The following SPAG16 variants were observed in gnomAD, a reference collection of about 807,000 sequenced individuals.
SPAG16 encodes sperm associated antigen 16.
Under a neutral mutation model 80.4 loss-of-function variants are expected in SPAG16, and 86 were observed. The observed-to-expected ratio is 1.07, with a 90% CI of 0.90 to 1.28. The LOEUF (loss-of-function observed/expected upper bound fraction) is 1.28. Among genes scored for constraint, SPAG16 ranks in the 50% most tolerant of loss-of-function variants. SPAG16 has a pLI of 0.00. For synonymous variants in SPAG16, 294 were observed against 265.9 expected, an observed-to-expected ratio of 1.11 and a Z score of -1.03; for missense variants, 870 against 765.3, an observed-to-expected ratio of 1.14 and a Z score of -1.61.
intron 13 of SPAG16, 148 bp downstream of exon 13, chr2:214,014,225 T>C (rs1444551395): frequency 6.6e-5 from 64 of 968,576 alleles, no homozygotes; most frequent in Non-Finnish European, 9.6e-5. Context: ...TACAAGATCC[T>C]TTCTATGCAC....
chr2:213,454,779 A>G (rs1335489084), intron 9 of SPAG16, among the ~76,000 whole-genome samples: 1 of 152,190 alleles, frequency 6.6e-6, no homozygotes, highest in Non-Finnish European at 1.5e-5. Context: ...CTTCTTTTAC[A>G]GTCATTCTAT....
intron 15 of SPAG16, among the ~76,000 whole-genome samples, chr2:214,203,508 A>G (rs1351542209): frequency 6.6e-6 from 1 of 152,172 alleles, no homozygotes; most frequent in Non-Finnish European, 1.5e-5. Flanking sequence ...CCAAAGTATG[A>G]AAGGGGGATC....
intron 15 of SPAG16, among the ~76,000 whole-genome samples, chr2:214,383,768 G>A (rs11679213): frequency 0.87 from 131,999 of 152,000 alleles, 57,412 homozygotes; most frequent in Middle Eastern, 0.9. Context: ...GTAAACCACA[G>A]GCAAAATGGG....
chr2:213,445,153 G>GGAATCA (rs1179521007), intron 9 of SPAG16, among the ~76,000 whole-genome samples: 1 of 152,018 alleles, frequency 6.6e-6, no homozygotes, highest in African/African-American at 2.4e-5. Context: ...ATGGACAAAT[G>GGAATCA]GAATCACACC....
chr2:213,669,933 T>G (rs1243336623), intron 10 of SPAG16, among the ~76,000 whole-genome samples: 1 of 152,164 alleles, frequency 6.6e-6, no homozygotes, highest in Non-Finnish European at 1.5e-5. Flanking sequence ...CCTGGGTGAT[T>G]AGATTTAGAA....
At chr2:214,118,920 A>C (rs2054081171) in intron 14 of SPAG16, among the ~76,000 whole-genome samples, 1 of 152,200 alleles carries the variant, frequency 6.6e-6, no homozygotes, top group South Asian at 2.1e-4. Flanking sequence ...AAAGAAAAAA[A>C]CTGGAGGTAT....
At chr2:214,203,131 T>C (rs2058053215) in intron 15 of SPAG16, among the ~76,000 whole-genome samples, 1 of 152,218 alleles carries the variant, frequency 6.6e-6, no homozygotes, top group African/African-American at 2.4e-5. Context: ...TTTTTCTATA[T>C]CTGTGAGAGA....
intron 15 of SPAG16, among the ~76,000 whole-genome samples, chr2:214,200,034 T>C (rs972188554): frequency 6.6e-6 from 1 of 152,078 alleles, no homozygotes; most frequent in Non-Finnish European, 1.5e-5. Flanking sequence ...TAAACGATCA[T>C]ATCATTAGCA....
intron 12 of SPAG16, among the ~76,000 whole-genome samples, chr2:213,944,090 G>A (rs2106298357): frequency 6.6e-6 from 1 of 152,292 alleles, no homozygotes; most frequent in South Asian, 2.1e-4. Context: ...ATGGGCCTGG[G>A]GGACAGGGCT....
chr2:213,941,191 A>G (rs1413637462), intron 12 of SPAG16, among the ~76,000 whole-genome samples: 1 of 152,148 alleles, frequency 6.6e-6, no homozygotes, highest in African/African-American at 2.4e-5. Context: ...TTTGGAATTA[A>G]ATACCTGTCA....
intron 10 of SPAG16, among the ~76,000 whole-genome samples, chr2:213,736,163 CATG>C (rs2067271671): frequency 6.6e-6 from 1 of 152,076 alleles, no homozygotes; most frequent in Non-Finnish European, 1.5e-5. Context: ...TTCTGTTTTC[CATG>C]ATAACTCAAG....
intron 9 of SPAG16, among the ~76,000 whole-genome samples, chr2:213,381,242 A>G (rs955345312): frequency 1.1e-4 from 16 of 152,242 alleles, no homozygotes; most frequent in African/African-American, 3.9e-4. Context: ...AGAGTACTCC[A>G]TGTAAATGAC....
At chr2:213,760,105 C>A (rs2068573104) in intron 10 of SPAG16, among the ~76,000 whole-genome samples, 1 of 151,750 alleles carries the variant, frequency 6.6e-6, no homozygotes, top group Admixed American at 6.6e-5. Flanking sequence ...TCAGAAATTA[C>A]TTATAAATTG....
At chr2:213,775,585 C>T (rs1470596330) in intron 10 of SPAG16, among the ~76,000 whole-genome samples, 2 of 152,198 alleles carry the variant, frequency 1.3e-5, no homozygotes, top group Non-Finnish European at 2.9e-5. Flanking sequence ...ACTTATTCAT[C>T]TTACATAACT....
At chr2:213,604,878 C>T (rs1371977325) in intron 10 of SPAG16, among the ~76,000 whole-genome samples, 1 of 150,540 alleles carries the variant, frequency 6.6e-6, no homozygotes, top group East Asian at 1.9e-4. Flanking sequence ...ATTTCTTCCA[C>T]TTTTTACTGC....
chr2:214,186,425 T>C lies in SPAG16; in HGVS notation c.1720+37159T>C, dbSNP rs536890250. On this transcript the variant is annotated intron_variant, in intron 15 of 15. Transcript: ENST00000331683. ...AGGAGAGAGGGGAAGATGAAAGTCA[T>C]TGGGGCTTGAGAAGAATGAGGAGTG... Among the ~76,000 whole-genome samples the C allele has an allele frequency of 1.4e-4, 21 of 152,218 alleles. 1 individual carries two copies. Among genetic ancestry groups the C allele is most frequent in the African/African-American group, 4.1e-4 (17 of 41,548 alleles).
intron 10 of SPAG16, among the ~76,000 whole-genome samples, chr2:213,559,911 T>G (rs1418739963): frequency 6.6e-6 from 1 of 152,080 alleles, no homozygotes; most frequent in Non-Finnish European, 1.5e-5. Context: ...TGCTTTTAAT[T>G]TATATAGGTA....
intron 7 of SPAG16, among the ~76,000 whole-genome samples, chr2:213,357,365 C>T (rs917405901): frequency 6.6e-6 from 1 of 152,086 alleles, no homozygotes; most frequent in Non-Finnish European, 1.5e-5. Flanking sequence ...GTGTTAAAGT[C>T]TCCCATTATT....
At chr2:213,830,235 A>G (rs537417137) in intron 10 of SPAG16, among the ~76,000 whole-genome samples, 1 of 152,230 alleles carries the variant, frequency 6.6e-6, no homozygotes, top group African/African-American at 2.4e-5. Context: ...TTCTCCCTCC[A>G]TGGACATCAA....
Sources: allele counts gnomAD v4.1 joint callset (sites outside exome capture counted in the v4.1 genomes callset), GRCh38; gene constraint gnomAD v4.1.1; transcripts MANE v1.5; gene names NCBI Gene and HGNC (gene_info 2026-07-23, HGNC 2026-07-21).